Variants in ANO3 observed in about 807,000 individuals in gnomAD.
ANO3 encodes the protein anoctamin 3.
In ANO3, 99 loss-of-function variants were observed where a neutral mutation model predicts 144.8. The ratio of observed to expected loss-of-function variants is 0.68; its 90% confidence interval spans 0.58 to 0.81. The LOEUF (loss-of-function observed/expected upper bound fraction) is 0.81. ANO3 is among the 30% of genes least tolerant of loss of function. ANO3 has a pLI of 0.00. For missense variants in ANO3, 905 were observed against 1,202.2 expected, an observed-to-expected ratio of 0.75 and a Z score of 3.66; for synonymous variants, 414 against 392.6, an observed-to-expected ratio of 1.05 and a Z score of -0.64.
upstream of ANO3, among the ~76,000 whole-genome samples, chr11:26,329,989 T>C (rs1854996114): frequency 6.6e-6 from 1 of 152,116 alleles, no homozygotes; most frequent in Non-Finnish European, 1.5e-5. Flanking sequence ...GGACTTTAAT[T>C]CTTTTAACTA....
At chr11:26,506,745 A>G (rs1861448963) in intron 4 of ANO3, among the ~76,000 whole-genome samples, 3 of 152,198 alleles carry the variant, frequency 2.0e-5, no homozygotes, top group Non-Finnish European at 4.4e-5. Flanking sequence ...AGCCAACTAG[A>G]AGCCCCTCAG....
intron 1 of ANO3, among the ~76,000 whole-genome samples, chr11:26,423,380 A>G (rs1857814408): frequency 6.7e-6 from 1 of 148,878 alleles, no homozygotes; most frequent in African/African-American, 2.5e-5. Flanking sequence ...TACAACCAAT[A>G]CTGAATTAAT....
At chr11:26,271,317 G>C (rs1013171783) in intron 1 of ANO3, among the ~76,000 whole-genome samples, 1 of 152,210 alleles carries the variant, frequency 6.6e-6, no homozygotes, top group Non-Finnish European at 1.5e-5. Context: ...CATCTTATGG[G>C]AGGTAAACTT....
intron 6 of ANO3, among the ~76,000 whole-genome samples, chr11:26,523,805 A>G (rs1849086281): frequency 6.6e-6 from 1 of 152,218 alleles, no homozygotes; most frequent in South Asian, 2.1e-4. Flanking sequence ...TATTCAGACT[A>G]CCATCAATAA....
chr11:26,383,888 C>CTTTTTTTTTTTTTTTTTT (rs61094091), intron 1 of ANO3, among the ~76,000 whole-genome samples: 1 of 70,148 alleles, frequency 1.4e-5, no homozygotes, highest in Non-Finnish European at 2.5e-5. Context: ...ATGCATTGTT[C>CTTTTTTTTTTTTTTTTTT]TTTTTTTTTT....
intron 1 of ANO3, among the ~76,000 whole-genome samples, chr11:26,244,294 T>C (rs1467071177): frequency 6.6e-6 from 1 of 152,122 alleles, no homozygotes; most frequent in Non-Finnish European, 1.5e-5. Context: ...AAATCAGAAA[T>C]CTCTGAGTGG....
intron 1 of ANO3, among the ~76,000 whole-genome samples, chr11:26,217,538 T>A (rs1051946875): frequency 6.6e-6 from 1 of 152,080 alleles, no homozygotes; most frequent in Non-Finnish European, 1.5e-5. Context: ...GATATTCTGA[T>A]CTTAGACATG....
At chr11:26,523,020 C>T (rs1477068418) in intron 6 of ANO3, among the ~76,000 whole-genome samples, 1 of 152,132 alleles carries the variant, frequency 6.6e-6, no homozygotes, top group Non-Finnish European at 1.5e-5. Context: ...TTAATTGACT[C>T]ACAATTCTGC....
chr11:26,624,502 A>G lies in ANO3; in HGVS notation c.1873+4A>G. 6.2e-7 allele frequency: 1 copy of G among 1,602,330 alleles called. No individual in the cohort carries two copies. Among genetic ancestry groups the G allele is most frequent in the Non-Finnish European group, 8.5e-7 (1 of 1,170,248 alleles). ...GCTTACCTCCTCACCAATTTAGGTA[A>G]GTCCATTTTTCTTACTTCACTCCTT... On this transcript the variant is annotated splice_donor_region_variant and intron_variant, in intron 18 of 26. Transcript: ENST00000256737.
intron 1 of ANO3, among the ~76,000 whole-genome samples, chr11:26,334,252 G>A (rs978173576): frequency 1.3e-5 from 2 of 152,210 alleles, no homozygotes; most frequent in African/African-American, 4.8e-5. Flanking sequence ...TACTCCGGTA[G>A]GAAGGAAGCA....
intron 1 of ANO3, among the ~76,000 whole-genome samples, chr11:26,341,843 GT>G (rs1446983426): frequency 2.0e-5 from 3 of 152,208 alleles, no homozygotes; most frequent in Non-Finnish European, 4.4e-5. Flanking sequence ...GGAGTCTGAT[GT>G]TCCAGGACAG....
chr11:26,643,087 A>T, intron 22 of ANO3, 95 bp from the exon 23 acceptor site: 1 of 1,051,190 alleles, frequency 9.5e-7, no homozygotes, highest in African/African-American at 1.6e-5. Flanking sequence ...CTACTTTGTA[A>T]GGATGTTGAA....
At chr11:26,238,726 T>C (rs1379202627) in intron 1 of ANO3, among the ~76,000 whole-genome samples, 4 of 151,978 alleles carry the variant, frequency 2.6e-5, no homozygotes, top group African/African-American at 4.8e-5. Flanking sequence ...AGGTGATCGA[T>C]GTGTATGAAA....
intron 1 of ANO3, among the ~76,000 whole-genome samples, chr11:26,291,129 C>G (rs1321867557): frequency 1.3e-5 from 2 of 152,190 alleles, no homozygotes; most frequent in Non-Finnish European, 2.9e-5. Context: ...ATAGTTAGCT[C>G]TTCTTATTGA....
chr11:26,550,003 T>C (rs516398), intron 12 of ANO3, among the ~76,000 whole-genome samples: 99,673 of 151,312 alleles, frequency 0.66, 33,114 homozygotes, highest in East Asian at 0.83. Context: ...AAGTACATTG[T>C]AAAAATTTTT....
intron 22 of ANO3, among the ~76,000 whole-genome samples, chr11:26,642,454 C>T (rs1207431514): frequency 1.4e-5 from 2 of 145,814 alleles, no homozygotes; most frequent in African/African-American, 5.0e-5. Flanking sequence ...TGGGTTCAAG[C>T]GATTCTCCTA....
chr11:26,599,025 T>G, intron 16 of ANO3, 27 bp downstream of exon 16: 1 of 1,607,280 alleles, frequency 6.2e-7, no homozygotes, highest in Non-Finnish European at 8.5e-7. Flanking sequence ...GATATCAAAA[T>G]GTTTTGGGAT....
chr11:26,467,902 T>C (rs1166323052), intron 4 of ANO3, among the ~76,000 whole-genome samples: 1 of 151,910 alleles, frequency 6.6e-6, no homozygotes, highest in African/African-American at 2.4e-5. Context: ...ATCCATAGAC[T>C]GAAGGACCTG....
intron 3 of ANO3, among the ~76,000 whole-genome samples, chr11:26,462,062 G>A (rs1441596487): frequency 1.3e-5 from 2 of 151,854 alleles, no homozygotes; most frequent in Non-Finnish European, 2.9e-5. Context: ...TGCCCATGAT[G>A]TAACATATTA....
Sources: gnomAD v4.1 joint callset for allele counts (sites outside exome capture counted in the v4.1 genomes callset) on GRCh38, gnomAD v4.1.1 for gene constraint, MANE v1.5 for transcripts, NCBI Gene and HGNC (gene_info 2026-07-23, HGNC 2026-07-21) for gene names.